The following AGTR2 variants were observed in gnomAD, a reference collection of about 807,000 sequenced individuals.
AGTR2 encodes angiotensin II receptor type 2, also known as type-2 angiotensin II receptor.
A neutral mutation model predicts 14.2 loss-of-function variants in AGTR2; 15 were observed. The ratio of observed to expected loss-of-function variants is 1.05; its 90% confidence interval spans 0.70 to 1.62. AGTR2 has a LOEUF of 1.62. AGTR2 is among the 40% of genes most tolerant of loss of function. The pLI, the probability that AGTR2 is intolerant of heterozygous loss-of-function variation, is 0.00. For missense variants in AGTR2, 274 were observed against 273.1 expected, an observed-to-expected ratio of 1.00 and a Z score of -0.02; for synonymous variants, 101 against 98.5, an observed-to-expected ratio of 1.03 and a Z score of -0.15.
intron 2 of AGTR2, among the ~76,000 whole-genome samples, chrX:116,171,989 A>T (rs1922463318): frequency 8.9e-6 from 1 of 112,245 alleles, no homozygotes; most frequent in African/African-American, 3.2e-5. Context: ...AAAACATCAT[A>T]GAAAAGATGG....
In AGTR2 at chrX:116,172,469, T is replaced by C. The variant is rs1569536533; in HGVS notation, c.189T>C (p.Ile63=). The change falls in exon 3 of 3, where the codon ATT becomes ATC. Residue 63 remains isoleucine, a synonymous_variant. Coordinates refer to ENST00000371906, the MANE Select transcript of AGTR2 (RefSeq NM_000686.5). ...IIFVIGFLVN[I]VVVTLFCCQK... ...TTGTAATTGGATTTCTGGTCAATAT[T>C]GTCGTGGTTACACTGTTTTGTTGTC... 4 of 1,210,899 alleles carry C rather than the reference T, an allele frequency of 3.3e-6. No homozygotes were observed. Among genetic ancestry groups the C allele is most frequent in the Non-Finnish European group, 4.5e-6 (4 of 894,806 alleles).
rs2147301078 is a variant in AGTR2 at position 116,171,034 on chromosome X, C to T, written c.-36+7C>T. On this transcript the variant is annotated splice_region_variant and intron_variant, in intron 2 of 2. Coordinates refer to ENST00000371906, the MANE Select transcript of AGTR2 (RefSeq NM_000686.5). ...CTTTAAACTTCAACAACCAGTAAGT[C>T]TTCAAGTGGAATTTATTATTGATTC... 1 of 111,251 alleles carries T rather than the reference C, an allele frequency of 9.0e-6. No homozygotes were observed. Among genetic ancestry groups the T allele is most frequent in the African/African-American group, 3.2e-5 (1 of 30,781 alleles). The allele number at this position is 111,251 out of a possible 1,213,427, so 9.2% of individuals were successfully genotyped here. A position where few individuals can be genotyped will look rare whatever the true frequency, so the allele number is the denominator to read the frequency against.
chrX:116,174,778 A>T lies in AGTR2; in HGVS notation c.*1406A>T, dbSNP rs1922580157. 1.6e-5 allele frequency: 2 copies of T among 122,346 alleles called. No individual in the cohort carries two copies. The highest frequency in any genetic ancestry group is 7.8e-4 in the South Asian group (2 of 2,575). The allele number at this position is 122,346 out of a possible 1,213,427, so 10.1% of individuals were successfully genotyped here. ...CTGAGGCGGAACTAACGTTTTGGGGACTCAGCATCTCTGCCAGGTTCCAGG... is the reference window on the plus strand; with the variant it reads ...CTGAGGCGGAACTAACGTTTTGGGGTCTCAGCATCTCTGCCAGGTTCCAGG... On this transcript the variant is annotated 3_prime_UTR_variant, in exon 3 of 3. Transcript: ENST00000371906.
In AGTR2 at chrX:116,172,306, C is replaced by A; in HGVS notation, c.26C>A (p.Thr9Asn). 1 of 1,211,292 alleles carries A rather than the reference C, an allele frequency of 8.3e-7. No individual in the cohort carries two copies. The highest frequency in any genetic ancestry group is 1.1e-6 in the Non-Finnish European group (1 of 895,198). Reference sequence around the variant, plus strand: ...ATGAAGGGCAACTCCACCCTTGCCACTACTAGCAAAAACATTACCAGCGGT... The same window carrying A: ...ATGAAGGGCAACTCCACCCTTGCCAATACTAGCAAAAACATTACCAGCGGT... MKGNSTLATTSKNITSGLH... is the reference protein window; with the variant it reads MKGNSTLANTSKNITSGLH... Residue 9 changes from threonine to asparagine, a missense_variant, in exon 3 of 3, where the codon ACT (threonine) becomes AAT (asparagine). Transcript: ENST00000371906.
Position 116,174,642 on chromosome X carries a change from C to T in AGTR2, c.*1270C>T, listed in dbSNP as rs1198208990. 1 of 122,554 alleles carries T rather than the reference C, an allele frequency of 8.2e-6. No individual in the cohort carries two copies. 10.1% of individuals were successfully genotyped at this position (122,554 alleles called of 1,213,427 possible). On this transcript the variant is annotated 3_prime_UTR_variant, in exon 3 of 3. Coordinates refer to ENST00000371906, the MANE Select transcript of AGTR2 (RefSeq NM_000686.5). ...AACTGAGTTACCTAAAGTTTACTTA[C>T]ATTAAAGTATGAATATTAATTTTAG...
intron 2 of AGTR2, among the ~76,000 whole-genome samples, chrX:116,171,453 G>GT (rs1163299424): frequency 1.8e-5 from 2 of 110,075 alleles, no homozygotes; most frequent in Non-Finnish European, 3.8e-5. Flanking sequence ...AGGTTTGGCT[G>GT]TTTTTTTCTT....
At chrX:116,171,116 G>T (rs1466546336) in intron 2 of AGTR2, 89 bp downstream of exon 2, 1 of 111,103 alleles carries the variant, frequency 9.0e-6, no homozygotes, top group African/African-American at 3.3e-5. Flanking sequence ...TAAAAGTTTT[G>T]CTCTTTATTA....
In AGTR2 at chrX:116,172,243, C is replaced by T; in HGVS notation, c.-35-3C>T. The T allele has an allele frequency of 8.3e-7, 1 of 1,207,425 alleles. No individual in the cohort carries two copies. On this transcript the variant is annotated splice_polypyrimidine_tract_variant and splice_region_variant and intron_variant, in intron 2 of 2. Coordinates refer to ENST00000371906, the MANE Select transcript of AGTR2 (RefSeq NM_000686.5). The stretch of plus-strand genomic sequence containing the variant: ...CTAAGAGTTCTATGTTTTTTCTCCA[C>T]AGAAGGCATAAGAACTAGGAGCTGC...
In AGTR2 at chrX:116,172,892, T is replaced by C. The variant is rs1556673782; in HGVS notation, c.612T>C (p.Tyr204=). ...TTATGGCTTTCCCACCTGAGAAATATGCCCAATGGTCAGCTGGGATTGCCT... is the reference window on the plus strand; with the variant it reads ...TTATGGCTTTCCCACCTGAGAAATACGCCCAATGGTCAGCTGGGATTGCCT... ...ACIMAFPPEK[Y]AQWSAGIALM... The change falls in exon 3 of 3, where the codon TAT becomes TAC. Residue 204 remains tyrosine (Y), a synonymous_variant. Transcript: ENST00000371906. 2 of 1,211,684 alleles carry C rather than the reference T, an allele frequency of 1.7e-6. No individual in the cohort carries two copies.
chrX:116,171,895 T>A (rs1350188814), intron 2 of AGTR2, among the ~76,000 whole-genome samples: 1 of 111,702 alleles, frequency 9.0e-6, no homozygotes, highest in South Asian at 3.7e-4. Context: ...GATTAACTTT[T>A]CTTACCTCTG....
At position 116,173,322 on chromosome X, in the gene AGTR2, T is replaced by C. The variant is rs1556673861; in HGVS notation, c.1042T>C (p.Ser348Pro). 1.7e-6 allele frequency: 2 copies of C among 1,209,643 alleles called. No individual in the cohort carries two copies. Among genetic ancestry groups the C allele is most frequent in the South Asian group, 1.8e-5 (1 of 56,851 alleles). Residue 348 changes from serine (S) to proline (P), a missense_variant, in exon 3 of 3, where the codon TCT (serine) becomes CCT (proline). Physicochemically the swap from Ser to Pro is moderately conservative, Grantham distance 74. Transcript: ENST00000371906. ...TWLQGKRESM[S>P]CRKSSSLREM... ...GCTCCAAGGGAAAAGAGAGAGTATGTCTTGCCGGAAAAGCAGTTCTCTTAG... is the reference window on the plus strand; with the variant it reads ...GCTCCAAGGGAAAAGAGAGAGTATGCCTTGCCGGAAAAGCAGTTCTCTTAG...
Position 116,174,794 on chromosome X carries a change from A to G in AGTR2, c.*1422A>G, listed in dbSNP as rs1422669626. On this transcript the variant is annotated 3_prime_UTR_variant, in exon 3 of 3. Transcript: ENST00000371906. The stretch of plus-strand genomic sequence containing the variant: ...GTTTTGGGGACTCAGCATCTCTGCC[A>G]GGTTCCAGGATTATAGACAGAAGAG... 3 of 122,557 alleles carry G rather than the reference A, an allele frequency of 2.4e-5. No homozygotes were observed. Among genetic ancestry groups the G allele is most frequent in the Non-Finnish European group, 3.8e-5 (2 of 53,073 alleles). 10.1% of individuals were successfully genotyped at this position (122,557 alleles called of 1,213,427 possible). A position where few individuals can be genotyped will look rare whatever the true frequency, so the allele number is the denominator to read the frequency against.
Position 116,172,712 on chromosome X carries a change from A to G in AGTR2, c.432A>G (p.Gln144=). The G allele has an allele frequency of 1.7e-6, 2 of 1,209,554 alleles. No homozygotes were observed. The highest frequency in any genetic ancestry group is 2.2e-6 in the Non-Finnish European group (2 of 893,857). Residue 144 remains glutamine, a synonymous_variant, in exon 3 of 3, where the codon CAA becomes CAG. Transcript: ENST00000371906. ...FITCMSVDRY[Q]SVIYPFLSQR... ...CCTGCATGAGTGTTGATAGGTACCA[A>G]TCTGTCATCTACCCCTTTCTGTCTC...
rs782425068 is a variant in AGTR2 at position 116,174,088 on chromosome X, AC to A, written c.*717del. ...ACTCTGAATAAGCACTTTTTAAAAA[AC>A]TTTCTACTCATTTTAATGATTGTTT... On this transcript the variant is annotated 3_prime_UTR_variant, in exon 3 of 3. Transcript: ENST00000371906. The A allele has an allele frequency of 4.9e-5, 6 of 122,703 alleles. No individual in the cohort carries two copies. The highest frequency in any genetic ancestry group is 9.4e-5 in the Non-Finnish European group (5 of 53,162). 10.1% of individuals were successfully genotyped at this position (122,703 alleles called of 1,213,427 possible).
chrX:116,173,036 C>A lies in AGTR2; in HGVS notation c.756C>A (p.Asp252Glu). The A allele has an allele frequency of 8.3e-7, 1 of 1,211,513 alleles. No homozygotes were observed. The highest frequency in any genetic ancestry group is 2.2e-5 in the Admixed American group (1 of 45,966). The change falls in exon 3 of 3, where the codon GAC becomes GAA. Residue 252 changes from aspartate (D) to glutamate (E), a missense_variant. Transcript: ENST00000371906. ...ATGGGAAGAACAGGATAACCCGTGA[C>A]CAAGTCCTGAAGATGGCAGCTGCTG... is the stretch of plus-strand genomic sequence containing the variant. ...NSYGKNRITR[D>E]QVLKMAAAVV...
chrX:116,172,993 T>TA lies in AGTR2; in HGVS notation c.714dup (p.Leu239ThrfsTer5), dbSNP rs781959986. ...TGCTATTTTGGAATTAGAAAACACT[T>TA]ACTGAAGACGAATAGCTATGGGAAG... On this transcript the variant is annotated frameshift_variant, in exon 3 of 3. Coordinates refer to ENST00000371906, the MANE Select transcript of AGTR2 (RefSeq NM_000686.5). LOFTEE classifies it high-confidence loss of function. 8 of 1,209,572 alleles carry TA rather than the reference T, an allele frequency of 6.6e-6. No individual in the cohort carries two copies. In the South Asian group the frequency reaches 1.4e-4, roughly 21 times the overall value.
In AGTR2 at chrX:116,172,485, T is replaced by C; in HGVS notation, c.205T>C (p.Phe69Leu). The change falls in exon 3 of 3, where the codon TTT becomes CTT. Residue 69 changes from phenylalanine to leucine, a missense_variant. Phe to Leu is a conservative substitution (Grantham distance 22). Coordinates refer to ENST00000371906, the MANE Select transcript of AGTR2 (RefSeq NM_000686.5). Reference sequence around the variant, plus strand: ...GGTCAATATTGTCGTGGTTACACTGTTTTGTTGTCAAAAGGGTCCTAAAAA... The same window carrying C: ...GGTCAATATTGTCGTGGTTACACTGCTTTGTTGTCAAAAGGGTCCTAAAAA... Reference protein sequence around the residue: ...FLVNIVVVTLFCCQKGPKKVS... With the variant: ...FLVNIVVVTLLCCQKGPKKVS... 1 of 1,211,378 alleles carries C rather than the reference T, an allele frequency of 8.3e-7. No individual in the cohort carries two copies. Among genetic ancestry groups the C allele is most frequent in the Middle Eastern group, 2.3e-4 (1 of 4,350 alleles).
chrX:116,174,897 T>C lies in AGTR2; in HGVS notation c.*1525T>C, dbSNP rs1922583832. 1 of 123,452 alleles carries C rather than the reference T, an allele frequency of 8.1e-6. No homozygotes were observed. The highest frequency in any genetic ancestry group is 1.9e-5 in the Non-Finnish European group (1 of 53,282). The allele number at this position is 123,452 out of a possible 1,213,427, so 10.2% of individuals were successfully genotyped here. A position where few individuals can be genotyped will look rare whatever the true frequency, so the allele number is the denominator to read the frequency against. ...TTCAATAAAAACAAATAGCTAAATG[T>C]ATAACCAACTATGATGTTATGTTTT... On this transcript the variant is annotated 3_prime_UTR_variant, in exon 3 of 3. Coordinates refer to ENST00000371906, the MANE Select transcript of AGTR2 (RefSeq NM_000686.5).
rs1359472608 is a variant in AGTR2, at chrX:116,173,556, T to A, written c.*184T>A. ...GGAATTGCCCATTGTTTTTCTGATATGTTTGTACAAGATTGTCATTAGTGA... is the reference window on the plus strand; with the variant it reads ...GGAATTGCCCATTGTTTTTCTGATAAGTTTGTACAAGATTGTCATTAGTGA... On this transcript the variant is annotated 3_prime_UTR_variant, in exon 3 of 3. Coordinates refer to ENST00000371906, the MANE Select transcript of AGTR2 (RefSeq NM_000686.5). 1.7e-6 allele frequency: 1 copy of A among 588,674 alleles called. No homozygotes were observed. Among genetic ancestry groups the A allele is most frequent in the Non-Finnish European group, 2.6e-6 (1 of 382,476 alleles). 48.5% of individuals were successfully genotyped at this position (588,674 alleles called of 1,213,427 possible). A position where few individuals can be genotyped will look rare whatever the true frequency, so the allele number is the denominator to read the frequency against.
Sources: allele counts gnomAD v4.1 joint callset (sites outside exome capture counted in the v4.1 genomes callset), GRCh38; gene constraint gnomAD v4.1.1; transcripts MANE v1.5; gene names NCBI Gene and HGNC (gene_info 2026-07-23, HGNC 2026-07-21).